The following PRKCH variants were observed in gnomAD, a reference collection of about 807,000 sequenced individuals.
The protein encoded by PRKCH is protein kinase C eta type.
PRKCH carries 28 observed loss-of-function variants against 82.5 expected under a neutral mutation model. That is an observed-to-expected ratio of 0.34 (90% CI 0.25 to 0.47). PRKCH has a LOEUF of 0.47. Ranked by LOEUF, PRKCH falls within the 20% of genes least tolerant of loss-of-function variation. The probability of loss-of-function intolerance (pLI) is 1.00; values close to 1 mark genes in which losing one functional copy is unlikely to be tolerated. For missense variants in PRKCH, 705 were observed against 881.8 expected (o/e 0.80, Z 2.54); for synonymous variants, 322 against 327.4 (o/e 0.98, Z 0.18).
rs113478168 is a variant in PRKCH, at chr14:61,363,657, G to A, written c.364-27568G>A. 6.8e-3 allele frequency among the ~76,000 whole-genome samples: 1,037 copies of A among 152,204 alleles called. 5 individuals carry two copies. Among genetic ancestry groups the A allele is most frequent in the African/African-American group, 0.024 (987 of 41,502 alleles). The stretch of plus-strand genomic sequence containing the variant: ...GAGTCTGACGCTCTGGGAAGATGGC[G>A]TCTGGAGATGGGAATCTGGGAGCCA... On this transcript the variant is annotated intron_variant, in intron 1 of 13. Coordinates refer to ENST00000332981, the MANE Select transcript of PRKCH (RefSeq NM_006255.5).
intron 1 of PRKCH, among the ~76,000 whole-genome samples, chr14:61,373,930 G>A (rs2046395946): frequency 2.0e-5 from 3 of 152,114 alleles, no homozygotes; most frequent in African/African-American, 7.3e-5. Flanking sequence ...ACTCATTGCA[G>A]CATTAATGAG....
chr14:61,314,899 C>T (rs372415053), intron 1 of PRKCH, among the ~76,000 whole-genome samples: 4 of 152,274 alleles, frequency 2.6e-5, no homozygotes, highest in South Asian at 4.1e-4. Flanking sequence ...GACTTTGTCT[C>T]TGTTTCTTCC....
At chr14:61,427,094 A>G (rs1236975788) in intron 2 of PRKCH, among the ~76,000 whole-genome samples, 1 of 152,202 alleles carries the variant, frequency 6.6e-6, no homozygotes, top group East Asian at 1.9e-4. Context: ...ATAAGACATC[A>G]ATCAGTACAT....
intron 1 of PRKCH, among the ~76,000 whole-genome samples, chr14:61,300,436 T>G (rs2045440265): frequency 6.6e-6 from 1 of 151,946 alleles, no homozygotes. Flanking sequence ...ACTGGGAAAA[T>G]GAGATAAAAG....
At chr14:61,503,788 A>T (rs1051568596) in intron 10 of PRKCH, among the ~76,000 whole-genome samples, 1 of 152,160 alleles carries the variant, frequency 6.6e-6, no homozygotes, top group Non-Finnish European at 1.5e-5. Flanking sequence ...TTCTGTTTTC[A>T]TAAAAAGAAA....
intron 1 of PRKCH, among the ~76,000 whole-genome samples, chr14:61,352,850 C>T (rs1446071849): frequency 3.9e-5 from 6 of 152,138 alleles, no homozygotes; most frequent in Non-Finnish European, 5.9e-5. Context: ...AGGCCTGCAT[C>T]GTTAATTTGA....
intron 1 of PRKCH, among the ~76,000 whole-genome samples, chr14:61,262,255 C>T (rs2045054754): frequency 7.2e-6 from 1 of 139,540 alleles, no homozygotes; most frequent in Non-Finnish European, 1.5e-5. Context: ...CAGCATTACT[C>T]ATAATAGCTC....
intron 1 of PRKCH, among the ~76,000 whole-genome samples, chr14:61,224,336 C>T (rs2044678948): frequency 1.3e-5 from 2 of 152,176 alleles, no homozygotes; most frequent in African/African-American, 4.8e-5. Context: ...GTGCATTTGT[C>T]ACAACTAAGA....
intron 10 of PRKCH, among the ~76,000 whole-genome samples, chr14:61,495,961 G>A (rs1886651514): frequency 6.6e-6 from 1 of 152,104 alleles, no homozygotes. Flanking sequence ...CTCTGATAAG[G>A]GACATTTGAG....
intron 1 of PRKCH, among the ~76,000 whole-genome samples, chr14:61,228,792 G>C (rs2044717429): frequency 6.6e-6 from 1 of 152,064 alleles, no homozygotes; most frequent in Non-Finnish European, 1.5e-5. Flanking sequence ...GCTAATCCTA[G>C]CACTTTGGGA....
chr14:61,249,960 C>T (rs1219502625), intron 1 of PRKCH, among the ~76,000 whole-genome samples: 1 of 150,752 alleles, frequency 6.6e-6, no homozygotes, highest in Non-Finnish European at 1.5e-5. Flanking sequence ...AACTTATGTC[C>T]ACAAAAAAAA....
Position 61,280,560 on chromosome 14 carries a change from G to T in PRKCH, c.-19+92892G>T, listed in dbSNP as rs780322009. The T allele has an allele frequency of 3.7e-6, 6 of 1,609,482 alleles. No homozygotes were observed. In the Admixed American group the frequency reaches 1.0e-4, roughly 27 times the overall value. On this transcript the variant is annotated intron_variant, in intron 1 of 3. Transcript: ENST00000555185. This position sits in a 1 kb window ranked among gnomAD's most constrained non-coding sequence, Gnocchi z 5.0. ...TGACGTGGTAGTCGGTCCACCAGGC[G>T]ATGCCGGAGCGGTCGAGCGGCACCT... is the stretch of plus-strand genomic sequence containing the variant.
intron 1 of PRKCH, among the ~76,000 whole-genome samples, chr14:61,363,338 C>T (rs2046255501): frequency 6.6e-6 from 1 of 152,108 alleles, no homozygotes; most frequent in Non-Finnish European, 1.5e-5. Context: ...AGATTTGTGG[C>T]TGGATAGCAG....
intron 1 of PRKCH, among the ~76,000 whole-genome samples, chr14:61,267,063 C>T (rs1254849458): frequency 2.6e-5 from 4 of 152,096 alleles, no homozygotes; most frequent in African/African-American, 9.7e-5. Context: ...CCATTCTTGG[C>T]GGAGAAAAGG....
chr14:61,439,846 A>C (rs1883872689), intron 2 of PRKCH, among the ~76,000 whole-genome samples: 1 of 152,202 alleles, frequency 6.6e-6, no homozygotes, highest in Non-Finnish European at 1.5e-5. Context: ...TTTTTTCCTA[A>C]ATCCTCCTCT....
chr14:61,195,286 G>A (rs1012205222), intron 1 of PRKCH, among the ~76,000 whole-genome samples: 2 of 152,108 alleles, frequency 1.3e-5, no homozygotes, highest in Admixed American at 6.5e-5. Flanking sequence ...CCAAATTTAT[G>A]CAAATAAATT....
rs148497212 is a variant in PRKCH, at chr14:61,421,324, C to T, written c.428-21787C>T. ...CTATAAGATTGAATGGACTTAATAG[C>T]TAGGAGTTGCAGAAAATATTCCTAC... On this transcript the variant is annotated intron_variant, in intron 2 of 13. Transcript: ENST00000332981. Among the ~76,000 whole-genome samples, 839 of 152,132 alleles carry T rather than the reference C, an allele frequency of 5.5e-3. 11 individuals are homozygous for T. The highest frequency in any genetic ancestry group is 0.019 in the African/African-American group (774 of 41,498).
At chr14:61,209,908 A>G (rs1030348228) in intron 1 of PRKCH, among the ~76,000 whole-genome samples, 3 of 151,616 alleles carry the variant, frequency 2.0e-5, no homozygotes, top group Admixed American at 2.0e-4. Context: ...AACATGCAGT[A>G]TTTGATTTTC....
intron 1 of PRKCH, among the ~76,000 whole-genome samples, chr14:61,228,839 A>G (rs2044717780): frequency 6.6e-6 from 1 of 152,070 alleles, no homozygotes; most frequent in African/African-American, 2.4e-5. Flanking sequence ...CCAGTAGTTC[A>G]AGACCAGCCG....
Sources: gnomAD v4.1 joint callset for allele counts (sites outside exome capture counted in the v4.1 genomes callset) on GRCh38, gnomAD v4.1.1 for gene constraint, Gnocchi (gnomAD v3.1) non-coding constraint, MANE v1.5 for transcripts, NCBI Gene and HGNC (gene_info 2026-07-23, HGNC 2026-07-21) for gene names.